The following CHM variants were observed in gnomAD, a reference collection of about 807,000 sequenced individuals.
CHM encodes rab proteins geranylgeranyltransferase component A 1.
CHM carries 10 observed loss-of-function variants against 49.0 expected under a neutral mutation model. The ratio of observed to expected loss-of-function variants is 0.20; its 90% CI spans 0.13 to 0.35. CHM has a LOEUF of 0.35. CHM is among the 10% of genes least tolerant of loss of function. The pLI is 1.00. For missense variants in CHM, 455 were observed against 478.4 expected (o/e 0.95, Z 0.46); for synonymous variants, 184 against 167.5 (o/e 1.10, Z -0.76).
At chrX:85,950,010 T>TATATATATATATATATATATATATA in intron 8 of CHM, among the ~76,000 whole-genome samples, 1 of 85,425 alleles carries the variant, frequency 1.2e-5, no homozygotes, top group Non-Finnish European at 2.3e-5. Context: ...TATATATATA[T>TATATATATATATATATATATATATA]CTTGTAATGG....
chrX:85,919,353 A>G (rs760877040), intron 8 of CHM, among the ~76,000 whole-genome samples: 1 of 111,401 alleles, frequency 9.0e-6, no homozygotes, highest in African/African-American at 3.3e-5. Flanking sequence ...TTCTATAAAG[A>G]CCTCCTTTTA....
chrX:85,886,831 G>T (rs1255904558), intron 12 of CHM, among the ~76,000 whole-genome samples: 1 of 108,728 alleles, frequency 9.2e-6, no homozygotes, highest in Non-Finnish European at 1.9e-5. Context: ...GAGAAAAAAA[G>T]AATTTAAGCT....
At chrX:85,905,762 TTA>T (rs1258608208) in intron 9 of CHM, among the ~76,000 whole-genome samples, 15 of 111,290 alleles carry the variant, frequency 1.3e-4, no homozygotes, top group Non-Finnish European at 1.1e-4. Flanking sequence ...CAGATCAGTA[TTA>T]TGTGACAATA....
chrX:85,907,593 A>G (rs753690820), intron 9 of CHM, among the ~76,000 whole-genome samples: 5 of 112,469 alleles, frequency 4.4e-5, no homozygotes, highest in African/African-American at 1.6e-4. Context: ...AATGAAAAAT[A>G]AAACCTGGCT....
At chrX:85,976,908 A>G (rs1201757930) in intron 4 of CHM, among the ~76,000 whole-genome samples, 1 of 110,147 alleles carries the variant, frequency 9.1e-6, no homozygotes, top group African/African-American at 3.3e-5. Context: ...ACACACACAC[A>G]CACACAGAAA....
chrX:85,986,266 G>A (rs1931904463), intron 2 of CHM, among the ~76,000 whole-genome samples: 1 of 110,941 alleles, frequency 9.0e-6, no homozygotes, highest in Admixed American at 9.6e-5. Flanking sequence ...AAAGACCCTT[G>A]GCCAAAATCA....
chrX:86,005,216 G>A (rs1254842458), intron 2 of CHM, among the ~76,000 whole-genome samples: 4 of 112,048 alleles, frequency 3.6e-5, no homozygotes, highest in Non-Finnish European at 7.5e-5. Context: ...TGAAACCAAT[G>A]AGAACAAAGA....
intron 8 of CHM, among the ~76,000 whole-genome samples, chrX:85,954,631 C>T (rs1204984429): frequency 9.0e-6 from 1 of 111,331 alleles, no homozygotes; most frequent in East Asian, 2.8e-4. Context: ...TGGTGGCTCA[C>T]GCCTGTAATA....
At chrX:85,943,710 G>A (rs915271502) in intron 8 of CHM, among the ~76,000 whole-genome samples, 4 of 111,597 alleles carry the variant, frequency 3.6e-5, no homozygotes, top group Non-Finnish European at 5.7e-5. Flanking sequence ...CAATATTTTT[G>A]CAAATTATGT....
intron 6 of CHM, 88 bp from the exon 7 acceptor site, chrX:85,958,063 C>T (rs1930096320): frequency 9.2e-7 from 1 of 1,087,806 alleles, no homozygotes; most frequent in Admixed American, 2.4e-5. Flanking sequence ...TTACATATAA[C>T]AGGATTATCG....
At chrX:85,883,938 T>C (rs996227609) in intron 12 of CHM, among the ~76,000 whole-genome samples, 7 of 111,037 alleles carry the variant, frequency 6.3e-5, no homozygotes, top group African/African-American at 2.3e-4. Context: ...AAATGTCTAG[T>C]GTATGAGTAA....
chrX:85,937,705 G>A (rs1414036523), intron 8 of CHM, among the ~76,000 whole-genome samples: 1 of 109,239 alleles, frequency 9.2e-6, no homozygotes, highest in Non-Finnish European at 1.9e-5. Flanking sequence ...TTAGCATGGT[G>A]TGGTAGTGCA....
At chrX:86,004,580 TG>T (rs1932813454) in intron 2 of CHM, among the ~76,000 whole-genome samples, 1 of 110,607 alleles carries the variant, frequency 9.0e-6, no homozygotes, top group South Asian at 3.7e-4. Flanking sequence ...ACCAAGTAAA[TG>T]GAAAGCATAA....
chrX:85,914,844 C>T lies in CHM; in HGVS notation c.1167-3506G>A, dbSNP rs1269255488. Reference sequence around the variant, plus strand: ...CATTGGAATGGGAACACCTCACCTTCTCCAGCACAGCAGGTGCTTGACCTC... The same window carrying T: ...CATTGGAATGGGAACACCTCACCTTTTCCAGCACAGCAGGTGCTTGACCTC... On this transcript the variant is annotated intron_variant, in intron 8 of 14. Transcript: ENST00000357749. Among the ~76,000 whole-genome samples, 7 of 110,903 alleles carry T rather than the reference C, an allele frequency of 6.3e-5. No individual in the cohort carries two copies. The East Asian group carries it at 1.7e-3, about 27-fold the overall frequency.
intron 13 of CHM, among the ~76,000 whole-genome samples, chrX:85,878,549 T>C (rs1394366061): frequency 1.8e-5 from 2 of 111,444 alleles, no homozygotes; most frequent in Non-Finnish European, 3.8e-5. Context: ...AATCTGTTAG[T>C]TGAATCTTTT....
At chrX:85,939,627 G>A (rs1258892934) in intron 8 of CHM, among the ~76,000 whole-genome samples, 2 of 112,427 alleles carry the variant, frequency 1.8e-5, no homozygotes, top group African/African-American at 6.5e-5. Flanking sequence ...ATGAAGGTGT[G>A]GAATGGTGCT....
intron 5 of CHM, among the ~76,000 whole-genome samples, chrX:85,961,780 T>G (rs958806728): frequency 9.0e-6 from 1 of 111,539 alleles, no homozygotes; most frequent in African/African-American, 3.3e-5. Flanking sequence ...CCTAGTCCAC[T>G]GCCTCTAGAC....
At chrX:86,044,034 G>T (rs1381865174) in intron 1 of CHM, among the ~76,000 whole-genome samples, 1 of 111,971 alleles carries the variant, frequency 8.9e-6, no homozygotes, top group Non-Finnish European at 1.9e-5. Flanking sequence ...AAAAATGCAG[G>T]CTGAATGTCT....
At chrX:85,981,219 T>G (rs1354428207) in intron 3 of CHM, among the ~76,000 whole-genome samples, 4 of 71,532 alleles carry the variant, frequency 5.6e-5, no homozygotes, top group African/African-American at 1.7e-4. Context: ...TATATATATA[T>G]AGACACACAT....
Sources: gnomAD v4.1 joint callset for allele counts (sites outside exome capture counted in the v4.1 genomes callset) on GRCh38, gnomAD v4.1.1 for gene constraint, MANE v1.5 for transcripts, NCBI Gene and HGNC (gene_info 2026-07-23, HGNC 2026-07-21) for gene names.